LSAMP: variants seen among roughly 807,000 people sequenced by gnomAD.
The protein encoded by LSAMP is limbic system-associated membrane protein.
LSAMP carries 7 observed loss-of-function variants against 38.6 expected under a neutral mutation model. The ratio of observed to expected loss-of-function variants is 0.18; its 90% CI spans 0.10 to 0.34. The LOEUF (loss-of-function observed/expected upper bound fraction) is 0.34, where lower values mean the gene tolerates loss of function less well. LSAMP is among the 10% of genes least tolerant of loss of function. LSAMP has a pLI of 1.00. For synonymous variants in LSAMP, 154 were observed against 166.8 expected (o/e 0.92, Z 0.59); for missense variants, 313 against 420.0 (o/e 0.75, Z 2.23).
At chr3:115,863,225 G>C (rs552586562) in intron 3 of LSAMP, among the ~76,000 whole-genome samples, 1 of 152,158 alleles carries the variant, frequency 6.6e-6, no homozygotes, top group African/African-American at 2.4e-5. Flanking sequence ...AGAAGAAAAG[G>C]CCACCTCAGA....
chr3:116,171,450 C>T (rs1201011683), intron 1 of LSAMP, among the ~76,000 whole-genome samples: 1 of 152,088 alleles, frequency 6.6e-6, no homozygotes, highest in Non-Finnish European at 1.5e-5. Context: ...CTTACTACTG[C>T]TCCTATTATC....
At chr3:116,067,413 A>T (rs1426919820) in intron 2 of LSAMP, among the ~76,000 whole-genome samples, 1 of 152,220 alleles carries the variant, frequency 6.6e-6, no homozygotes, top group African/African-American at 2.4e-5. Context: ...TCAAGCAGTA[A>T]GGCTGCACAG....
chr3:116,357,087 C>A (rs2048236232), intron 1 of LSAMP, among the ~76,000 whole-genome samples: 1 of 152,138 alleles, frequency 6.6e-6, no homozygotes, highest in Admixed American at 6.5e-5. Flanking sequence ...GCCATCGCGC[C>A]CGGCTAGGAA....
intron 3 of LSAMP, among the ~76,000 whole-genome samples, chr3:115,877,873 C>T (rs1426637609): frequency 6.6e-6 from 1 of 151,948 alleles, no homozygotes; most frequent in Admixed American, 6.6e-5. Context: ...AAATGTGGTT[C>T]CCATCCTTAG....
intron 3 of LSAMP, among the ~76,000 whole-genome samples, chr3:115,859,190 C>T (rs1479975015): frequency 6.6e-6 from 1 of 152,094 alleles, no homozygotes; most frequent in Non-Finnish European, 1.5e-5. Flanking sequence ...AGGCTGAAAC[C>T]ACTTCTCATC....
intron 1 of LSAMP, among the ~76,000 whole-genome samples, chr3:116,115,656 G>C (rs1708724476): frequency 6.6e-6 from 1 of 151,860 alleles, no homozygotes; most frequent in South Asian, 2.1e-4. Flanking sequence ...TCAATTAAAA[G>C]TGAAGGCAAA....
chr3:116,308,502 G>T (rs1335455950), intron 1 of LSAMP, among the ~76,000 whole-genome samples: 1 of 152,078 alleles, frequency 6.6e-6, no homozygotes, highest in African/African-American at 2.4e-5. Flanking sequence ...AGAGAGGAAA[G>T]ATGAGACAGC....
intron 2 of LSAMP, among the ~76,000 whole-genome samples, chr3:116,024,435 A>G (rs1940729720): frequency 6.6e-6 from 1 of 152,198 alleles, no homozygotes; most frequent in Non-Finnish European, 1.5e-5. Flanking sequence ...CCCTTTAGTC[A>G]TCTATTTCAC....
At chr3:116,404,586 A>C (rs1373298480) in intron 1 of LSAMP, among the ~76,000 whole-genome samples, 1 of 152,174 alleles carries the variant, frequency 6.6e-6, no homozygotes, top group African/African-American at 2.4e-5. Context: ...AAGTCAAAGG[A>C]AGACAGCCTG....
chr3:116,032,827 T>C (rs10934317), intron 2 of LSAMP, among the ~76,000 whole-genome samples: 20,893 of 151,858 alleles, frequency 0.14, 1,615 homozygotes, highest in Admixed American at 0.21. Flanking sequence ...AAATAATAAA[T>C]AAATAATTGA....
intron 6 of LSAMP, among the ~76,000 whole-genome samples, chr3:115,811,097 C>T (rs1282917288): frequency 6.6e-6 from 1 of 152,122 alleles, no homozygotes; most frequent in Non-Finnish European, 1.5e-5. Context: ...CAAAAATAAA[C>T]AAACACACCT....
chr3:116,261,456 G>A (rs1416128054), intron 1 of LSAMP, among the ~76,000 whole-genome samples: 1 of 152,138 alleles, frequency 6.6e-6, no homozygotes, highest in African/African-American at 2.4e-5. Flanking sequence ...TTATCAGCAT[G>A]TCACCTCGCT....
At chr3:116,417,355 G>T (rs1017363124) in intron 1 of LSAMP, among the ~76,000 whole-genome samples, 2 of 152,158 alleles carry the variant, frequency 1.3e-5, no homozygotes, top group Admixed American at 6.5e-5. Context: ...AACCCATTTG[G>T]GATGCAGCCA....
rs370650171 is a variant in LSAMP at position 115,817,639 on chromosome 3, G to C, written c.920-7225C>G. On this transcript the variant is annotated intron_variant, in intron 6 of 6. Coordinates refer to ENST00000490035, the MANE Select transcript of LSAMP (RefSeq NM_002338.5). Reference sequence around the variant, plus strand: ...CAACTTAGCAGGTGCTCAGATAGAAGAGCCCAAACTGCTGTTGGAATACAG... The same window carrying C: ...CAACTTAGCAGGTGCTCAGATAGAACAGCCCAAACTGCTGTTGGAATACAG... Among the ~76,000 whole-genome samples, 5 of 152,266 alleles carry C rather than the reference G, an allele frequency of 3.3e-5. No individual in the cohort carries two copies. In the South Asian group the frequency reaches 6.2e-4, roughly 19 times the overall value.
In LSAMP at chr3:116,072,227, G is replaced by A. The variant is rs563285043; in HGVS notation, c.388+14097C>T. On this transcript the variant is annotated intron_variant, in intron 2 of 6. Transcript: ENST00000490035. ...CTTGACCTTGTGATCCACCCACCTC[G>A]GCCTCCCAAAGTGCTGGGATTACAG... Among the ~76,000 whole-genome samples, 50 of 152,098 alleles carry A rather than the reference G, an allele frequency of 3.3e-4. No individual in the cohort carries two copies. In the East Asian group the frequency reaches 5.6e-3, roughly 17 times the overall value.
At chr3:116,130,711 ATAAAG>A (rs750252691) in intron 1 of LSAMP, among the ~76,000 whole-genome samples, 5 of 152,330 alleles carry the variant, frequency 3.3e-5, no homozygotes, top group East Asian at 3.9e-4. Flanking sequence ...AATTTTAAAA[ATAAAG>A]TATAGAAAGT....
rs565424564 is a variant in LSAMP, at chr3:116,296,588, G to A, written c.155+148289C>T. On this transcript the variant is annotated intron_variant, in intron 1 of 6. Coordinates refer to ENST00000490035, the MANE Select transcript of LSAMP (RefSeq NM_002338.5). ...CGGGCGCCCGTAGTCCCAGCTACTC[G>A]GGAGGCTGAGGCCAGAGAATGGCGT... Among the ~76,000 whole-genome samples the A allele has an allele frequency of 2.4e-4, 36 of 151,258 alleles. 1 individual carries two copies. In the South Asian group the frequency reaches 3.5e-3, roughly 15 times the overall value.
At chr3:116,304,937 G>A (rs1320265122) in intron 1 of LSAMP, among the ~76,000 whole-genome samples, 3 of 152,246 alleles carry the variant, frequency 2.0e-5, no homozygotes, top group East Asian at 1.9e-4. Flanking sequence ...AGAAAAGGAC[G>A]AAAGTCAGAA....
chr3:115,874,028 C>A (rs1936117293), intron 3 of LSAMP, among the ~76,000 whole-genome samples: 1 of 152,050 alleles, frequency 6.6e-6, no homozygotes, highest in South Asian at 2.1e-4. Flanking sequence ...AGCTTCTGCC[C>A]TTTTCTAAGT....
Sources: allele counts gnomAD v4.1 joint callset (sites outside exome capture counted in the v4.1 genomes callset), GRCh38; gene constraint gnomAD v4.1.1; transcripts MANE v1.5; gene names NCBI Gene and HGNC (gene_info 2026-07-23, HGNC 2026-07-21).